The following TMTC2 variants were observed in gnomAD, a reference collection of about 807,000 sequenced individuals.
The protein encoded by TMTC2 is protein O-mannosyl-transferase TMTC2.
A neutral mutation model predicts 82.4 loss-of-function variants in TMTC2; 43 were observed. The ratio of observed to expected loss-of-function variants is 0.52; its 90% CI spans 0.41 to 0.67. The LOEUF is 0.67. TMTC2 is among the 30% of genes least tolerant of loss of function. The pLI is 0.00. For missense variants in TMTC2, 919 were observed against 1,012.4 expected (o/e 0.91, Z 1.25); for synonymous variants, 408 against 381.9 (o/e 1.07, Z -0.80).
intron 1 of TMTC2, among the ~76,000 whole-genome samples, chr12:82,720,399 A>G (rs140888400): frequency 6.6e-6 from 1 of 152,282 alleles, no homozygotes; most frequent in Non-Finnish European, 1.5e-5. Flanking sequence ...AGTAGTTCAT[A>G]CCTTTTTATA....
At chr12:82,848,473 G>T (rs937486921) in intron 1 of TMTC2, among the ~76,000 whole-genome samples, 1 of 152,142 alleles carries the variant, frequency 6.6e-6, no homozygotes, top group Middle Eastern at 3.4e-3. Context: ...GAAACTCCTT[G>T]TACATTTATT....
At chr12:83,050,397 G>C (rs1882301432) in intron 9 of TMTC2, among the ~76,000 whole-genome samples, 1 of 152,078 alleles carries the variant, frequency 6.6e-6, no homozygotes, top group Non-Finnish European at 1.5e-5. Context: ...ACCTTGTAAA[G>C]CTAACCTGAA....
chr12:82,739,372 G>T lies in TMTC2; in HGVS notation c.83+51703G>T, dbSNP rs527993051. Among the ~76,000 whole-genome samples, 11 of 152,114 alleles carry T rather than the reference G, an allele frequency of 7.2e-5. No homozygotes were observed. The South Asian group carries it at 2.3e-3, about 32-fold the overall frequency. ...GTGTGGCCATATGATTTAGTTCTGG[G>T]TGGAGAAGAGATATGTGTAACTTGA... On this transcript the variant is annotated intron_variant, in intron 1 of 11. Coordinates refer to ENST00000321196, the MANE Select transcript of TMTC2 (RefSeq NM_152588.3).
chr12:83,017,092 A>G (rs1880711144), intron 8 of TMTC2, among the ~76,000 whole-genome samples: 1 of 152,136 alleles, frequency 6.6e-6, no homozygotes, highest in African/African-American at 2.4e-5. Flanking sequence ...GCAAATTCCC[A>G]TGGTCTCCGG....
intron 11 of TMTC2, among the ~76,000 whole-genome samples, chr12:83,107,581 A>G (rs866305514): frequency 6.6e-6 from 1 of 152,206 alleles, no homozygotes; most frequent in Non-Finnish European, 1.5e-5. Context: ...ATTAATTTGG[A>G]GATTTAGTTT....
chr12:82,707,601 A>G (rs1206081685), intron 1 of TMTC2, among the ~76,000 whole-genome samples: 1 of 152,150 alleles, frequency 6.6e-6, no homozygotes, highest in African/African-American at 2.4e-5. Flanking sequence ...TGCTCTGTGG[A>G]GGACTTTAGG....
At position 82,895,688 on chromosome 12, in the gene TMTC2, T is replaced by A. The variant is rs946960448; in HGVS notation, c.655-130T>A. 3.9e-6 allele frequency: 3 copies of A among 768,526 alleles called. No individual in the cohort carries two copies. In the African/African-American group the frequency reaches 5.2e-5, roughly 13 times the overall value. The allele number at this position is 768,526 out of a possible 1,614,324, so 47.6% of individuals were successfully genotyped here. A position where few individuals can be genotyped will look rare whatever the true frequency, so the allele number is the denominator to read the frequency against. The stretch of plus-strand genomic sequence containing the variant: ...TGCTTGAAAGGTGATGGACATGAAG[T>A]CATGTTTTGGAGACATCATGCTGTG... On this transcript the variant is annotated intron_variant, in intron 2 of 11. Coordinates refer to ENST00000321196, the MANE Select transcript of TMTC2 (RefSeq NM_152588.3).
chr12:82,840,088 G>A (rs151255316), intron 1 of TMTC2, among the ~76,000 whole-genome samples: 4 of 152,304 alleles, frequency 2.6e-5, no homozygotes, highest in African/African-American at 4.8e-5. Context: ...AAAAGTGCTC[G>A]CCTACAGCAT....
intron 3 of TMTC2, among the ~76,000 whole-genome samples, chr12:82,928,880 T>C (rs1875867093): frequency 6.6e-6 from 1 of 152,178 alleles, no homozygotes; most frequent in African/African-American, 2.4e-5. Flanking sequence ...GTATATGACT[T>C]TGCAAACGTG....
At chr12:83,068,088 CAAAT>C (rs1425219773) in intron 11 of TMTC2, among the ~76,000 whole-genome samples, 1 of 151,970 alleles carries the variant, frequency 6.6e-6, no homozygotes, top group Non-Finnish European at 1.5e-5. Context: ...AGAGAAGAAT[CAAAT>C]AAATGAGCTT....
intron 11 of TMTC2, among the ~76,000 whole-genome samples, chr12:83,122,286 G>T (rs557276963): frequency 2.6e-5 from 4 of 150,964 alleles, no homozygotes; most frequent in Non-Finnish European, 4.4e-5. Context: ...TTCTTCCCCC[G>T]CCTGTGGAGT....
chr12:83,002,877 T>G (rs1879990655), intron 8 of TMTC2, among the ~76,000 whole-genome samples: 1 of 152,114 alleles, frequency 6.6e-6, no homozygotes, highest in Non-Finnish European at 1.5e-5. Context: ...TTATATATTC[T>G]GTGGTTGTTG....
At chr12:82,994,331 G>A (rs1314741740) in intron 8 of TMTC2, among the ~76,000 whole-genome samples, 1 of 152,048 alleles carries the variant, frequency 6.6e-6, no homozygotes, top group East Asian at 1.9e-4. Flanking sequence ...TTTTAGTAAA[G>A]CTGTGGTTCC....
At chr12:83,017,670 C>T (rs1565854906) in intron 8 of TMTC2, among the ~76,000 whole-genome samples, 1 of 152,060 alleles carries the variant, frequency 6.6e-6, no homozygotes, top group East Asian at 1.9e-4. Context: ...GACTGGAAAG[C>T]AGTGGAAACA....
chr12:82,935,126 A>T (rs1016905820), intron 4 of TMTC2, among the ~76,000 whole-genome samples: 3 of 151,876 alleles, frequency 2.0e-5, no homozygotes, highest in Non-Finnish European at 2.9e-5. Context: ...GAATTTTGGT[A>T]AAAAAAATAT....
At chr12:83,105,067 T>C (rs1046998170) in intron 11 of TMTC2, among the ~76,000 whole-genome samples, 2 of 152,164 alleles carry the variant, frequency 1.3e-5, no homozygotes, top group Non-Finnish European at 2.9e-5. Context: ...CACAGTACCA[T>C]CATAACAATG....
At chr12:83,094,633 A>C (rs116498964) in intron 11 of TMTC2, among the ~76,000 whole-genome samples, 1 of 152,210 alleles carries the variant, frequency 6.6e-6, no homozygotes, top group African/African-American at 2.4e-5. Flanking sequence ...AAAAGACTTG[A>C]ACTAGGGCAG....
At chr12:83,086,836 T>A (rs1229918012) in intron 11 of TMTC2, among the ~76,000 whole-genome samples, 1 of 152,196 alleles carries the variant, frequency 6.6e-6, no homozygotes, top group Non-Finnish European at 1.5e-5. Context: ...AGTAGTAATC[T>A]TTTTTTGCTG....
intron 3 of TMTC2, among the ~76,000 whole-genome samples, chr12:82,925,979 GT>G (rs374054535): frequency 4.0e-4 from 47 of 118,742 alleles, no homozygotes; most frequent in Admixed American, 1.0e-3. Context: ...GGAGAAAATT[GT>G]TTTTTTTTTT....
Sources: allele counts gnomAD v4.1 joint callset (sites outside exome capture counted in the v4.1 genomes callset), GRCh38; gene constraint gnomAD v4.1.1; transcripts MANE v1.5; gene names NCBI Gene and HGNC (gene_info 2026-07-23, HGNC 2026-07-21).